RYR3: variants seen among roughly 807,000 people sequenced by gnomAD.
The protein encoded by RYR3 is brain ryanodine receptor-calcium release channel.
Under a neutral mutation model 584.3 loss-of-function variants are expected in RYR3, and 207 were observed. That is an observed-to-expected ratio of 0.35 (90% CI 0.32 to 0.40). The LOEUF (loss-of-function observed/expected upper bound fraction) is 0.40. Ranked by LOEUF, RYR3 falls within the 10% of genes least tolerant of loss-of-function variation. RYR3 has a pLI of 1.00. For missense variants in RYR3, 5,616 were observed against 6,089.2 expected, an observed-to-expected ratio of 0.92 and a Z score of 2.59; for synonymous variants, 2,416 against 2,248.5, an observed-to-expected ratio of 1.07 and a Z score of -2.11.
At chr15:33,632,505 T>C (rs62010505) in intron 23 of RYR3, among the ~76,000 whole-genome samples, 20,837 of 152,232 alleles carry the variant, frequency 0.14, 1,863 homozygotes, top group East Asian at 0.42. Context: ...GTTTAGCCTT[T>C]ACTTTTTGAC....
intron 20 of RYR3, among the ~76,000 whole-genome samples, chr15:33,626,589 G>A (rs2879413): frequency 0.15 from 23,210 of 152,156 alleles, 2,213 homozygotes; most frequent in Admixed American, 0.23. Flanking sequence ...TCCAAGGCAT[G>A]TCATTGACCT....
chr15:33,777,422 G>A (rs1341144500), intron 64 of RYR3, among the ~76,000 whole-genome samples: 2 of 152,014 alleles, frequency 1.3e-5, no homozygotes, highest in Non-Finnish European at 2.9e-5. Flanking sequence ...TCATAGCCAG[G>A]AGCATTAATT....
At chr15:33,538,588 T>C (rs1381091326) in intron 5 of RYR3, among the ~76,000 whole-genome samples, 1 of 152,198 alleles carries the variant, frequency 6.6e-6, no homozygotes, top group Non-Finnish European at 1.5e-5. Context: ...AGGAGAGGTC[T>C]TCTGGCTGTT....
Position 33,838,849 on chromosome 15 carries a change from G to A in RYR3, c.12869G>A (p.Gly4290Asp). ...DLFGLHPKKE[G>D]SLKHGPEVGL... ...TTTGGACTCCACCCAAAGAAAGAGG[G>A]CAGCTTAAAGCATGGGCCTGAAGTG... The change falls in exon 89 of 104, where the codon GGC (glycine) becomes GAC (aspartate). Residue 4290 changes from glycine to aspartate, a missense_variant. This residue lies in a region of RYR3 where 918 missense variants were observed against 887.4 expected (regional missense o/e 1.03). Coordinates refer to ENST00000634891, the MANE Select transcript of RYR3 (RefSeq NM_001036.6). 1 of 1,613,940 alleles carries A rather than the reference G, an allele frequency of 6.2e-7. No homozygotes were observed. Among genetic ancestry groups the A allele is most frequent in the East Asian group, 2.2e-5 (1 of 44,884 alleles).
chr15:33,376,375 G>A (rs1409917104), intron 1 of RYR3, among the ~76,000 whole-genome samples: 3 of 152,104 alleles, frequency 2.0e-5, no homozygotes, highest in Admixed American at 6.6e-5. Context: ...CCCTCTGATG[G>A]ACATTTGGAT....
At position 33,818,618 on chromosome 15, in the gene RYR3, A is replaced by C; in HGVS notation, c.10640A>C (p.Glu3547Ala). 6.2e-7 allele frequency: 1 copy of C among 1,613,974 alleles called. No individual in the cohort carries two copies. Among genetic ancestry groups the C allele is most frequent in the Non-Finnish European group, 8.5e-7 (1 of 1,179,870 alleles). Residue 3547 changes from glutamate (E) to alanine (A), a missense_variant, in exon 76 of 104, where the codon GAA (glutamate) becomes GCA (alanine). Transcript: ENST00000634891. Reference protein sequence around the residue: ...KVEEEEEEETEKQPDPLHQII... With the variant: ...KVEEEEEEETAKQPDPLHQII... ...GAAGAGGAGGAGGAGGAAGAGACAG[A>C]AAAACAACCTGACCCACTACATCAG...
intron 1 of RYR3, among the ~76,000 whole-genome samples, chr15:33,343,738 A>G (rs1377839529): frequency 2.6e-5 from 4 of 152,054 alleles, no homozygotes; most frequent in South Asian, 4.1e-4. Context: ...GTTTGGTTCA[A>G]TTTTTCCGAT....
chr15:33,530,575 C>T lies in RYR3; in HGVS notation c.280-17C>T, dbSNP rs774452007. On this transcript the variant is annotated splice_polypyrimidine_tract_variant and intron_variant, in intron 3 of 103. Transcript: ENST00000634891. Reference sequence around the variant, plus strand: ...ACAACGGGCATGTGCTGACCTTATTCTTCCTCATTCCCACAGGCAGCACAA... The same window carrying T: ...ACAACGGGCATGTGCTGACCTTATTTTTCCTCATTCCCACAGGCAGCACAA... The T allele has an allele frequency of 1.3e-6, 2 of 1,599,094 alleles. No individual in the cohort carries two copies. The highest frequency in any genetic ancestry group is 1.1e-5 in the South Asian group (1 of 90,656).
chr15:33,314,532 C>T (rs185864268), intron 1 of RYR3, among the ~76,000 whole-genome samples: 1 of 152,276 alleles, frequency 6.6e-6, no homozygotes, highest in East Asian at 1.9e-4. Flanking sequence ...AAACACAAAA[C>T]GAAACAAAAC....
chr15:33,586,233 T>C (rs561961459), intron 16 of RYR3, 117 bp downstream of exon 16: 1 of 692,938 alleles, frequency 1.4e-6, no homozygotes, highest in Non-Finnish European at 2.5e-6. Flanking sequence ...GATAAAAATC[T>C]TGGGAAACTG....
intron 1 of RYR3, among the ~76,000 whole-genome samples, chr15:33,382,346 C>T (rs1367888943): frequency 8.7e-5 from 5 of 57,412 alleles, no homozygotes; most frequent in African/African-American, 2.5e-4. Flanking sequence ...TTTTTTGAGA[C>T]GGAGTCTCGC....
At chr15:33,683,733 C>T (rs1048568262) in intron 38 of RYR3, among the ~76,000 whole-genome samples, 1 of 152,234 alleles carries the variant, frequency 6.6e-6, no homozygotes, top group Non-Finnish European at 1.5e-5. Flanking sequence ...TTCCTAGCCA[C>T]GGGAAGCCGT....
At chr15:33,713,479 G>A (rs970329842) in intron 43 of RYR3, among the ~76,000 whole-genome samples, 1 of 151,768 alleles carries the variant, frequency 6.6e-6, no homozygotes, top group East Asian at 1.9e-4. Context: ...GGGTTATAAG[G>A]GTGAGTGTGG....
intron 1 of RYR3, among the ~76,000 whole-genome samples, chr15:33,371,017 A>G (rs2040295160): frequency 6.6e-6 from 1 of 152,252 alleles, no homozygotes; most frequent in Non-Finnish European, 1.5e-5. Flanking sequence ...GAAGATGCTC[A>G]GTAAACATTT....
chr15:33,810,392 C>CAAGG, intron 70 of RYR3, 87 bp from the exon 71 acceptor site: 1 of 1,400,458 alleles, frequency 7.1e-7, no homozygotes, highest in African/African-American at 1.4e-5. Context: ...GACAGGGCCA[C>CAAGG]AAGGAGGCAG....
intron 1 of RYR3, among the ~76,000 whole-genome samples, chr15:33,372,667 A>G (rs2040429100): frequency 6.6e-6 from 1 of 151,586 alleles, no homozygotes; most frequent in African/African-American, 2.4e-5. Context: ...GCCCGGCCCC[A>G]GCTAATTTTT....
intron 32 of RYR3, among the ~76,000 whole-genome samples, 199 bp from the exon 33 acceptor site, chr15:33,659,521 G>T (rs2063020489): frequency 6.6e-6 from 1 of 152,258 alleles, no homozygotes; most frequent in African/African-American, 2.4e-5. Flanking sequence ...AGCCCTGAGT[G>T]GAGACACTGT....
rs113646851 is a variant in RYR3 at position 33,432,668 on chromosome 15, T to TGTGTGTGTG, written c.52-40751_52-40750insGTGTGTGTG. Among the ~76,000 whole-genome samples the TGTGTGTGTG allele has an allele frequency of 3.4e-3, 445 of 132,192 alleles. 2 individuals carry two copies. The highest frequency in any genetic ancestry group is 7.4e-3 in the Middle Eastern group (2 of 270). The allele number at this position is 132,192 out of a possible 152,430, so 86.7% of individuals were successfully genotyped here. On this transcript the variant is annotated intron_variant, in intron 1 of 103. Coordinates refer to ENST00000634891, the MANE Select transcript of RYR3 (RefSeq NM_001036.6). ...GGTGCCCACGACCACGCCTAGCTAATTGTGTGTGTGTGTGTGTGTGTGTGT... is the reference window on the plus strand; with the variant it reads ...GGTGCCCACGACCACGCCTAGCTAATGTGTGTGTGTGTGTGTGTGTGTGTGTGTGTGTGT...
At position 33,422,155 on chromosome 15, in the gene RYR3, C is replaced by T. The variant is rs1309820970; in HGVS notation, c.52-51264C>T. Among the ~76,000 whole-genome samples, 4 of 152,248 alleles carry T rather than the reference C, an allele frequency of 2.6e-5. 1 individual carries two copies. The highest frequency in any genetic ancestry group is 4.1e-4 in the South Asian group (2 of 4,822). On this transcript the variant is annotated intron_variant, in intron 1 of 103. Transcript: ENST00000634891. Reference sequence around the variant, plus strand: ...GTTCCAGTTTGTGTGGATAGTCTCACTGTGGGGGTGATCCTTTGAGGCTTT... The same window carrying T: ...GTTCCAGTTTGTGTGGATAGTCTCATTGTGGGGGTGATCCTTTGAGGCTTT...
Sources: gnomAD v4.1 joint callset for allele counts (sites outside exome capture counted in the v4.1 genomes callset) on GRCh38, gnomAD v4.1.1 for gene constraint, gnomAD v4.1.1 regional missense constraint, MANE v1.5 for transcripts, NCBI Gene and HGNC (gene_info 2026-07-23, HGNC 2026-07-21) for gene names.